Variants in NRXN3 observed in about 807,000 individuals in gnomAD.
NRXN3 encodes the protein neurexin III.
NRXN3 carries 32 observed loss-of-function variants against 137.6 expected under a neutral mutation model. The ratio of observed to expected loss-of-function variants is 0.23; its 90% CI spans 0.18 to 0.31. NRXN3 has a LOEUF of 0.31. NRXN3 is among the 10% of genes least tolerant of loss of function. The probability of loss-of-function intolerance (pLI) is 1.00; values close to 1 mark genes in which losing one functional copy is unlikely to be tolerated. For synonymous variants in NRXN3, 798 were observed against 784.5 expected (o/e 1.02, Z -0.29); for missense variants, 1,574 against 2,062.5 (o/e 0.76, Z 4.59).
intron 15 of NRXN3, among the ~76,000 whole-genome samples, chr14:79,302,934 C>T (rs1035109211): frequency 2.0e-5 from 3 of 151,884 alleles, no homozygotes; most frequent in African/African-American, 7.3e-5. Context: ...GGGATCTGCC[C>T]TCAGGATCCA....
chr14:78,487,839 A>G (rs2095592336), intron 4 of NRXN3, among the ~76,000 whole-genome samples: 2 of 152,140 alleles, frequency 1.3e-5, no homozygotes, highest in South Asian at 2.1e-4. Context: ...GTAGACATGG[A>G]ATATATTTTT....
intron 15 of NRXN3, among the ~76,000 whole-genome samples, chr14:79,231,426 A>T (rs1159674472): frequency 1.3e-5 from 2 of 152,190 alleles, no homozygotes; most frequent in East Asian, 3.9e-4. Context: ...ACAGATAATT[A>T]AGGAAAACCA....
intron 15 of NRXN3, among the ~76,000 whole-genome samples, chr14:79,067,564 G>A (rs552873564): frequency 1.3e-5 from 2 of 152,024 alleles, no homozygotes; most frequent in Non-Finnish European, 2.9e-5. Context: ...TTCTACCTCT[G>A]GTAGAATTCA....
Position 78,778,678 on chromosome 14 carries a change from T to TTTTCTTTTCTTTC in NRXN3, c.2045-24935_2045-24934insTCTTTCTTTCTTT, listed in dbSNP as rs1555489568. On this transcript the variant is annotated intron_variant, in intron 8 of 20. Transcript: ENST00000335750. ...TCTTTTCCTTTTCTTTTCTCTTTTC[T>TTTTCTTTTCTTTC]TTTCTTTCTTTCTTTCTTTCTTTCT... Among the ~76,000 whole-genome samples the TTTTCTTTTCTTTC allele has an allele frequency of 2.5e-3, 289 of 114,500 alleles. 5 individuals are homozygous for TTTTCTTTTCTTTC. Among genetic ancestry groups the TTTTCTTTTCTTTC allele is most frequent in the South Asian group, 0.011 (39 of 3,398 alleles). The allele number at this position is 114,500 out of a possible 152,430, so 75.1% of individuals were successfully genotyped here. A position where few individuals can be genotyped will look rare whatever the true frequency, so the allele number is the denominator to read the frequency against.
intron 4 of NRXN3, among the ~76,000 whole-genome samples, chr14:78,635,967 T>C (rs2097563649): frequency 1.3e-5 from 2 of 152,172 alleles, no homozygotes; most frequent in Admixed American, 1.3e-4. Flanking sequence ...CTCATGTGGC[T>C]CCAGATGTGC....
chr14:78,904,957 T>G (rs1186758781), intron 10 of NRXN3, among the ~76,000 whole-genome samples: 1 of 152,040 alleles, frequency 6.6e-6, no homozygotes, highest in Non-Finnish European at 1.5e-5. Flanking sequence ...ATCTTCTGAC[T>G]CCATTATTTT....
At chr14:79,613,353 T>C (rs1011290163) in intron 16 of NRXN3, among the ~76,000 whole-genome samples, 2 of 152,250 alleles carry the variant, frequency 1.3e-5, no homozygotes, top group African/African-American at 2.4e-5. Context: ...TTGGTATGTG[T>C]GTAAGATTTG....
chr14:78,712,108 C>T (rs1414472703), intron 7 of NRXN3, among the ~76,000 whole-genome samples: 2 of 152,202 alleles, frequency 1.3e-5, no homozygotes, highest in African/African-American at 4.8e-5. Flanking sequence ...AGATTTTCCT[C>T]AGGTTGTATT....
intron 4 of NRXN3, among the ~76,000 whole-genome samples, chr14:78,565,781 C>G (rs1473198240): frequency 6.7e-6 from 1 of 149,432 alleles, no homozygotes; most frequent in Non-Finnish European, 1.5e-5. Flanking sequence ...GGCCTCTGTA[C>G]ATTACAGAAG....
chr14:78,362,510 A>G (rs984547813), intron 4 of NRXN3, among the ~76,000 whole-genome samples: 1 of 152,192 alleles, frequency 6.6e-6, no homozygotes, highest in African/African-American at 2.4e-5. Flanking sequence ...AAGGGCATAA[A>G]TTAGAACACT....
At chr14:79,381,221 T>G (rs904732809) in intron 15 of NRXN3, among the ~76,000 whole-genome samples, 3 of 148,250 alleles carry the variant, frequency 2.0e-5, no homozygotes, top group Non-Finnish European at 4.5e-5. Context: ...TTTTTTTTTT[T>G]GAAAAATAAT....
chr14:78,294,353 G>A (rs969625745), intron 3 of NRXN3, among the ~76,000 whole-genome samples: 2 of 152,022 alleles, frequency 1.3e-5, no homozygotes, highest in Non-Finnish European at 1.5e-5. Context: ...TCAGGAGTTC[G>A]AGACCAGCCT....
chr14:78,226,907 C>T (rs1458040538), intron 1 of NRXN3, among the ~76,000 whole-genome samples: 1 of 152,206 alleles, frequency 6.6e-6, no homozygotes, highest in African/African-American at 2.4e-5. Flanking sequence ...TATATAATAA[C>T]TCACTGTGAC....
intron 4 of NRXN3, among the ~76,000 whole-genome samples, chr14:78,574,491 A>C (rs2096918128): frequency 6.6e-6 from 1 of 152,244 alleles, no homozygotes; most frequent in Admixed American, 6.5e-5. Flanking sequence ...CACCTCTTGC[A>C]TCAGCATGCC....
chr14:78,269,085 T>G (rs1478312783), intron 2 of NRXN3, among the ~76,000 whole-genome samples: 1 of 152,194 alleles, frequency 6.6e-6, no homozygotes, highest in Non-Finnish European at 1.5e-5. Flanking sequence ...CACAGCAACC[T>G]GGTCATGTAC....
chr14:79,283,403 C>G (rs1012167404), intron 15 of NRXN3, among the ~76,000 whole-genome samples: 2 of 152,164 alleles, frequency 1.3e-5, no homozygotes, highest in African/African-American at 4.8e-5. Context: ...CTCCCACCCC[C>G]TTTCTCTACT....
intron 15 of NRXN3, among the ~76,000 whole-genome samples, chr14:79,212,707 C>G (rs2067859056): frequency 6.6e-6 from 1 of 152,062 alleles, no homozygotes; most frequent in African/African-American, 2.4e-5. Context: ...TGGTATCGTG[C>G]CCAAATGAGT....
intron 4 of NRXN3, among the ~76,000 whole-genome samples, chr14:78,474,388 A>G (rs114119436): frequency 7.1e-4 from 108 of 152,276 alleles, no homozygotes; most frequent in African/African-American, 2.6e-3. Context: ...CCATGGACCA[A>G]TGTTATATTA....
chr14:79,835,432 C>G (rs1211000508), intron 20 of NRXN3, among the ~76,000 whole-genome samples: 1 of 152,244 alleles, frequency 6.6e-6, no homozygotes, highest in African/African-American at 2.4e-5. Flanking sequence ...AACGCTTTTC[C>G]TTTTAATGAT....
Sources: gnomAD v4.1 joint callset for allele counts (sites outside exome capture counted in the v4.1 genomes callset) on GRCh38, gnomAD v4.1.1 for gene constraint, MANE v1.5 for transcripts, NCBI Gene and HGNC (gene_info 2026-07-23, HGNC 2026-07-21) for gene names.